SH3RF3: variants seen among roughly 807,000 people sequenced by gnomAD.
The protein encoded by SH3RF3 is E3 ubiquitin-protein ligase SH3RF3.
A neutral mutation model predicts 66.3 loss-of-function variants in SH3RF3; 29 were observed. The ratio of observed to expected loss-of-function variants is 0.44; its 90% confidence interval spans 0.33 to 0.60. SH3RF3 has a LOEUF of 0.60. SH3RF3 is among the 20% of genes least tolerant of loss of function. The pLI is 0.04. For missense variants in SH3RF3, 1,194 were observed against 1,190.9 expected (o/e 1.00, Z -0.04); for synonymous variants, 583 against 532.0 (o/e 1.10, Z -1.32).
At chr2:109,428,974 C>T (rs796562335) in intron 5 of SH3RF3, among the ~76,000 whole-genome samples, 16 of 152,296 alleles carry the variant, frequency 1.1e-4, no homozygotes, top group African/African-American at 3.4e-4. Context: ...GTGCAGGGGA[C>T]GCCATCCAGC....
chr2:109,400,931 C>A (rs1282843450), intron 4 of SH3RF3, among the ~76,000 whole-genome samples: 2 of 152,196 alleles, frequency 1.3e-5, no homozygotes, highest in Non-Finnish European at 2.9e-5. Context: ...TGGTCCCAAC[C>A]CTAACTCCAC....
chr2:109,420,845 T>A (rs773949067), intron 5 of SH3RF3, among the ~76,000 whole-genome samples: 2 of 152,192 alleles, frequency 1.3e-5, no homozygotes, highest in Non-Finnish European at 2.9e-5. Flanking sequence ...CTCACCCACC[T>A]CTAAGCCCAG....
At chr2:109,183,392 TG>T (rs1678113368) in intron 1 of SH3RF3, among the ~76,000 whole-genome samples, 2 of 152,220 alleles carry the variant, frequency 1.3e-5, no homozygotes, top group South Asian at 4.1e-4. Flanking sequence ...CCCTTGCTGC[TG>T]GGTGATTTTG....
At chr2:109,418,151 C>A (rs1676774100) in intron 4 of SH3RF3, among the ~76,000 whole-genome samples, 1 of 152,122 alleles carries the variant, frequency 6.6e-6, no homozygotes, top group African/African-American at 2.4e-5. Flanking sequence ...GCAGCCTGGC[C>A]CCGTCCTGTG....
At chr2:109,222,244 A>G (rs924159739) in intron 1 of SH3RF3, among the ~76,000 whole-genome samples, 1 of 152,212 alleles carries the variant, frequency 6.6e-6, no homozygotes, top group African/African-American at 2.4e-5. Context: ...GGGTATAAAC[A>G]TACAGTCAGA....
intron 1 of SH3RF3, among the ~76,000 whole-genome samples, chr2:109,211,022 G>C (rs771865963): frequency 3.9e-5 from 6 of 152,186 alleles, no homozygotes; most frequent in Non-Finnish European, 8.8e-5. Flanking sequence ...TGGCACACGG[G>C]TTGATGACAG....
Position 109,395,676 on chromosome 2 carries a change from T to G in SH3RF3, c.946-2914T>G, listed in dbSNP as rs192149432. 3.0e-4 allele frequency among the ~76,000 whole-genome samples: 45 copies of G among 152,320 alleles called. 1 individual carries two copies. The highest frequency in any genetic ancestry group is 1.0e-3 in the African/African-American group (43 of 41,578). Reference sequence around the variant, plus strand: ...CGTGAAGGCACAGTGCAGTCACTTGTGAGCAGCCTCTCGGGGACACGTGCT... The same window carrying G: ...CGTGAAGGCACAGTGCAGTCACTTGGGAGCAGCCTCTCGGGGACACGTGCT... On this transcript the variant is annotated intron_variant, in intron 3 of 9. Transcript: ENST00000309415.
At chr2:109,185,614 G>T (rs549264366) in intron 1 of SH3RF3, among the ~76,000 whole-genome samples, 32 of 152,148 alleles carry the variant, frequency 2.1e-4, no homozygotes, top group Non-Finnish European at 3.5e-4. Context: ...TGGCAGAGAA[G>T]CCGGAGCCAA....
rs549953176 is a variant in SH3RF3, at chr2:109,301,985, T to G, written c.574-45689T>G. ...ATGTCTTCCTGGACCTGTGCTGATT[T>G]CAGCATCTTCGTTGTGTGACTCAGT... On this transcript the variant is annotated intron_variant, in intron 1 of 9. Coordinates refer to ENST00000309415, the MANE Select transcript of SH3RF3 (RefSeq NM_001099289.3). 2.0e-5 allele frequency among the ~76,000 whole-genome samples: 3 copies of G among 152,354 alleles called. No homozygotes were observed. In the South Asian group the frequency reaches 6.2e-4, roughly 32 times the overall value.
At chr2:109,280,550 G>A (rs956241614) in intron 1 of SH3RF3, among the ~76,000 whole-genome samples, 1 of 152,194 alleles carries the variant, frequency 6.6e-6, no homozygotes, top group African/African-American at 2.4e-5. Flanking sequence ...AGCAGTCATT[G>A]AAATATGGGG....
At chr2:109,302,188 G>C (rs548745668) in intron 1 of SH3RF3, among the ~76,000 whole-genome samples, 1 of 152,318 alleles carries the variant, frequency 6.6e-6, no homozygotes, top group East Asian at 1.9e-4. Context: ...TACTCCTACA[G>C]CCAGTGCTGG....
At chr2:109,286,034 G>A (rs925589646) in intron 1 of SH3RF3, among the ~76,000 whole-genome samples, 1 of 152,200 alleles carries the variant, frequency 6.6e-6, no homozygotes, top group Non-Finnish European at 1.5e-5. Context: ...CTGATCTGCT[G>A]CTTAGAATCA....
In SH3RF3 at chr2:109,279,168, C is replaced by A. The variant is rs543325573; in HGVS notation, c.574-68506C>A. Among the ~76,000 whole-genome samples the A allele has an allele frequency of 2.0e-5, 3 of 152,120 alleles. No homozygotes were observed. In the South Asian group the frequency reaches 6.2e-4, roughly 31 times the overall value. ...GAGTAGTGGACCAAGAGCTGTGGTC[C>A]GGATTCCATGCATACGTTTTGGGAA... On this transcript the variant is annotated intron_variant, in intron 1 of 9. Transcript: ENST00000309415.
At chr2:109,425,245 G>T (rs1300884968) in intron 5 of SH3RF3, among the ~76,000 whole-genome samples, 1 of 152,216 alleles carries the variant, frequency 6.6e-6, no homozygotes, top group African/African-American at 2.4e-5. Context: ...GGTTCGTGAG[G>T]TTTAAAGAAA....
At chr2:109,431,219 A>G (rs1677203901) in intron 5 of SH3RF3, among the ~76,000 whole-genome samples, 1 of 152,176 alleles carries the variant, frequency 6.6e-6, no homozygotes, top group African/African-American at 2.4e-5. Flanking sequence ...CTGTGTGCAC[A>G]AGCCGCTGGA....
At chr2:109,201,368 C>T (rs1489050963) in intron 1 of SH3RF3, among the ~76,000 whole-genome samples, 1 of 152,242 alleles carries the variant, frequency 6.6e-6, no homozygotes, top group African/African-American at 2.4e-5. Context: ...GGGCTTTGGG[C>T]CTTGGCCCCT....
At position 109,325,153 on chromosome 2, in the gene SH3RF3, C is replaced by T. The variant is rs574120510; in HGVS notation, c.574-22521C>T. 1.4e-4 allele frequency among the ~76,000 whole-genome samples: 22 copies of T among 152,118 alleles called. No homozygotes were observed. The South Asian group carries it at 1.7e-3, about 11-fold the overall frequency. On this transcript the variant is annotated intron_variant, in intron 1 of 9. Coordinates refer to ENST00000309415, the MANE Select transcript of SH3RF3 (RefSeq NM_001099289.3). Reference sequence around the variant, plus strand: ...TTGGCCACATTTCCTCTGCAGTGCTCGGAAACAACTCACTGGTCTTTAATT... The same window carrying T: ...TTGGCCACATTTCCTCTGCAGTGCTTGGAAACAACTCACTGGTCTTTAATT...
intron 4 of SH3RF3, among the ~76,000 whole-genome samples, chr2:109,401,274 G>A (rs11679322): frequency 6.6e-6 from 1 of 152,102 alleles, no homozygotes; most frequent in Non-Finnish European, 1.5e-5. Flanking sequence ...AAGTTGTGTT[G>A]TGAAACAAAT....
chr2:109,276,157 G>C (rs1041657094), intron 1 of SH3RF3, among the ~76,000 whole-genome samples: 1 of 152,186 alleles, frequency 6.6e-6, no homozygotes, highest in Admixed American at 6.5e-5. Context: ...TTCGAGTTAG[G>C]AGCAGGCATT....
Sources: gnomAD v4.1 joint callset for allele counts (sites outside exome capture counted in the v4.1 genomes callset) on GRCh38, gnomAD v4.1.1 for gene constraint, MANE v1.5 for transcripts, NCBI Gene and HGNC (gene_info 2026-07-23, HGNC 2026-07-21) for gene names.